Variants in HOMER1 observed in about 807,000 individuals in gnomAD.
The protein encoded by HOMER1 is homer scaffold protein 1.
In HOMER1, 3 loss-of-function variants were observed where a neutral mutation model predicts 48.9. That is an observed-to-expected ratio of 0.06 (90% CI 0.03 to 0.16). The LOEUF (loss-of-function observed/expected upper bound fraction) is 0.16. Among genes scored for constraint, HOMER1 ranks in the 10% least tolerant of loss-of-function variants. The pLI, the probability that HOMER1 is intolerant of heterozygous loss-of-function variation, is 1.00. For missense variants in HOMER1, 247 were observed against 411.4 expected (o/e 0.60, Z 3.46); for synonymous variants, 134 against 146.4 (o/e 0.92, Z 0.61).
At chr5:79,511,415 A>C (rs1406080088) in intron 1 of HOMER1, among the ~76,000 whole-genome samples, 1 of 152,212 alleles carries the variant, frequency 6.6e-6, no homozygotes, top group Non-Finnish European at 1.5e-5. Flanking sequence ...GGAGGAGAAT[A>C]AAAAGAAAGC....
rs998863394 is a variant in HOMER1 at position 79,421,571 on chromosome 5, T to C, written c.527+17439A>G. On this transcript the variant is annotated intron_variant, in intron 5 of 8. Transcript: ENST00000334082. The stretch of plus-strand genomic sequence containing the variant: ...CTACCAGTTACATAATCAAGAATAC[T>C]ATGAGCACACACACACACACTAAAC... Among the ~76,000 whole-genome samples the C allele has an allele frequency of 3.3e-5, 5 of 151,410 alleles. No individual in the cohort carries two copies. In the Admixed American group the frequency reaches 3.3e-4, roughly 10 times the overall value.
At chr5:79,403,038 C>CTACAG (rs1214703825) in intron 5 of HOMER1, among the ~76,000 whole-genome samples, 2 of 152,120 alleles carry the variant, frequency 1.3e-5, no homozygotes, top group Non-Finnish European at 2.9e-5. Flanking sequence ...TGATAAGTTA[C>CTACAG]TACAGTTAAG....
chr5:79,481,835 C>T (rs1167216063), intron 1 of HOMER1, among the ~76,000 whole-genome samples: 1 of 152,182 alleles, frequency 6.6e-6, no homozygotes, highest in East Asian at 1.9e-4. Context: ...GCTCTGGTCC[C>T]ACACAACACA....
chr5:79,500,993 C>CACACACACACA (rs1408324948), intron 1 of HOMER1, among the ~76,000 whole-genome samples: 52 of 145,888 alleles, frequency 3.6e-4, no homozygotes, highest in African/African-American at 1.3e-3. Context: ...CACACACACA[C>CACACACACACA]AAGGTCTGGC....
chr5:79,444,141 G>T (rs1226878475), intron 4 of HOMER1, among the ~76,000 whole-genome samples: 2 of 152,144 alleles, frequency 1.3e-5, no homozygotes, highest in East Asian at 3.8e-4. Context: ...TCTTCAGGCA[G>T]CATTAATTCA....
At chr5:79,490,202 C>T (rs1390394929) in intron 1 of HOMER1, among the ~76,000 whole-genome samples, 1 of 152,176 alleles carries the variant, frequency 6.6e-6, no homozygotes, top group Non-Finnish European at 1.5e-5. Flanking sequence ...CAAGGCAATC[C>T]ATGCCCTCAT....
At chr5:79,413,840 T>C (rs918453149) in intron 5 of HOMER1, among the ~76,000 whole-genome samples, 1 of 152,180 alleles carries the variant, frequency 6.6e-6, no homozygotes, top group African/African-American at 2.4e-5. Flanking sequence ...TTATAAAAGT[T>C]AACCTTTTAA....
intron 5 of HOMER1, among the ~76,000 whole-genome samples, chr5:79,409,862 A>C (rs1476140848): frequency 6.6e-6 from 1 of 152,140 alleles, no homozygotes; most frequent in Non-Finnish European, 1.5e-5. Context: ...CAAAAAACAA[A>C]ATCAGTGTTG....
intron 1 of HOMER1, among the ~76,000 whole-genome samples, chr5:79,460,757 C>T (rs1011624877): frequency 6.6e-6 from 1 of 151,994 alleles, no homozygotes; most frequent in East Asian, 1.9e-4. Context: ...CCAGGAACGC[C>T]GCTAAACATC....
intron 5 of HOMER1, among the ~76,000 whole-genome samples, chr5:79,433,713 G>A (rs555685243): frequency 1.3e-5 from 2 of 152,222 alleles, no homozygotes; most frequent in South Asian, 4.1e-4. Flanking sequence ...AAAATTTCCA[G>A]TGAAATTTAG....
At chr5:79,472,187 G>C (rs1048665937) in intron 1 of HOMER1, among the ~76,000 whole-genome samples, 28 of 152,090 alleles carry the variant, frequency 1.8e-4, no homozygotes, top group African/African-American at 6.8e-4. Context: ...GAAAATAATA[G>C]TAAATGAATG....
intron 1 of HOMER1, among the ~76,000 whole-genome samples, chr5:79,479,854 A>C (rs1164869148): frequency 6.6e-6 from 1 of 152,224 alleles, no homozygotes. Flanking sequence ...ATAGTGATAG[A>C]ATTACCGAAA....
At chr5:79,503,011 TGA>T (rs1752644406) in intron 1 of HOMER1, among the ~76,000 whole-genome samples, 1 of 152,006 alleles carries the variant, frequency 6.6e-6, no homozygotes, top group Non-Finnish European at 1.5e-5. Flanking sequence ...AGGACGGTCT[TGA>T]TCTGACCTCG....
At chr5:79,381,217 C>T (rs1402913519) in intron 8 of HOMER1, among the ~76,000 whole-genome samples, 2 of 152,182 alleles carry the variant, frequency 1.3e-5, no homozygotes, top group South Asian at 2.1e-4. Context: ...CCCTAAGCCA[C>T]TAAGAAAATC....
chr5:79,451,269 A>C (rs1337168801), intron 2 of HOMER1, 148 bp from the exon 3 acceptor site: 3 of 708,680 alleles, frequency 4.2e-6, no homozygotes, highest in Non-Finnish European at 6.6e-6. Flanking sequence ...AGTTTCTGGC[A>C]TTATAAGTGA....
At chr5:79,486,424 T>C (rs61441875) in intron 1 of HOMER1, among the ~76,000 whole-genome samples, 32,021 of 151,986 alleles carry the variant, frequency 0.21, 3,598 homozygotes, top group South Asian at 0.41. Flanking sequence ...AACACAGACA[T>C]AAAAAACAAA....
intron 8 of HOMER1, among the ~76,000 whole-genome samples, chr5:79,395,273 C>T (rs1486550879): frequency 6.6e-6 from 1 of 152,148 alleles, no homozygotes; most frequent in East Asian, 1.9e-4. Flanking sequence ...TGAATTTCCC[C>T]CTTTCTTCCA....
intron 1 of HOMER1, among the ~76,000 whole-genome samples, chr5:79,462,774 A>G (rs1172166482): frequency 1.3e-5 from 2 of 152,250 alleles, no homozygotes; most frequent in Non-Finnish European, 2.9e-5. Context: ...ACAGTTACCA[A>G]TGAAGTCTAT....
chr5:79,391,643 G>T (rs1194355158), intron 8 of HOMER1, among the ~76,000 whole-genome samples: 1 of 151,728 alleles, frequency 6.6e-6, no homozygotes, highest in Non-Finnish European at 1.5e-5. Flanking sequence ...CTACTCGGGA[G>T]GCTGAGGCAG....
Sources: gnomAD v4.1 joint callset for allele counts (sites outside exome capture counted in the v4.1 genomes callset) on GRCh38, gnomAD v4.1.1 for gene constraint, MANE v1.5 for transcripts, NCBI Gene and HGNC (gene_info 2026-07-23, HGNC 2026-07-21) for gene names.